The following NPFFR2 variants were observed in gnomAD, a reference collection of about 807,000 sequenced individuals.
NPFFR2 encodes neuropeptide FF receptor 2.
NPFFR2 carries 15 observed loss-of-function variants against 13.1 expected under a neutral mutation model. The ratio of observed to expected loss-of-function variants is 1.15; its 90% CI spans 0.77 to 1.76. The LOEUF is 1.76. Ranked by LOEUF, NPFFR2 falls within the 40% of genes most tolerant of loss-of-function variation. The pLI is 0.00. For missense variants in NPFFR2, 572 were observed against 503.5 expected, an observed-to-expected ratio of 1.14 and a Z score of -1.30; for synonymous variants, 190 against 175.7, an observed-to-expected ratio of 1.08 and a Z score of -0.65.
Position 72,147,285 on chromosome 4 carries a change from C to T in NPFFR2, c.736C>T (p.Leu246Phe). 6.2e-7 allele frequency: 1 copy of T among 1,614,160 alleles called. No homozygotes were observed. Among genetic ancestry groups the T allele is most frequent in the Non-Finnish European group, 8.5e-7 (1 of 1,180,030 alleles). Residue 246 changes from leucine (L) to phenylalanine (F), a missense_variant, in exon 4 of 4, where the codon CTC (leucine) becomes TTC (phenylalanine). Leu to Phe is a conservative substitution (Grantham distance 22). Transcript: ENST00000308744. ...VIMYGRIGISLFRAAVPHTGR... is the reference protein window; with the variant it reads ...VIMYGRIGISFFRAAVPHTGR... ...CATGTATGGAAGGATTGGAATTTCACTCTTCAGGGCTGCAGTTCCTCACAC... is the reference window on the plus strand; with the variant it reads ...CATGTATGGAAGGATTGGAATTTCATTCTTCAGGGCTGCAGTTCCTCACAC...
intron 1 of NPFFR2, among the ~76,000 whole-genome samples, chr4:72,037,379 C>T (rs909362615): frequency 2.1e-5 from 3 of 144,068 alleles, no homozygotes; most frequent in East Asian, 2.1e-4. Context: ...ACTCCAGCTT[C>T]GGCAACAGAG....
chr4:72,043,791 G>C (rs1397242346), intron 1 of NPFFR2, among the ~76,000 whole-genome samples: 1 of 152,122 alleles, frequency 6.6e-6, no homozygotes, highest in African/African-American at 2.4e-5. Flanking sequence ...CTTTGGACTT[G>C]GACTTTTGAG....
intron 1 of NPFFR2, among the ~76,000 whole-genome samples, chr4:72,087,077 C>G (rs1720793422): frequency 6.6e-6 from 1 of 151,982 alleles, no homozygotes; most frequent in Non-Finnish European, 1.5e-5. Context: ...ACCAGAAATA[C>G]CAACTTGGGT....
At chr4:72,078,663 A>G (rs1262077219) in intron 1 of NPFFR2, among the ~76,000 whole-genome samples, 1 of 152,140 alleles carries the variant, frequency 6.6e-6, no homozygotes, top group African/African-American at 2.4e-5. Flanking sequence ...AATGCTTACT[A>G]TATGGCTACA....
At chr4:72,074,719 A>G (rs1720375304) in intron 1 of NPFFR2, among the ~76,000 whole-genome samples, 1 of 152,126 alleles carries the variant, frequency 6.6e-6, no homozygotes, top group African/African-American at 2.4e-5. Flanking sequence ...CTTCCCATCA[A>G]AAGACAGAGA....
At chr4:72,078,900 A>T (rs1396256969) in intron 1 of NPFFR2, among the ~76,000 whole-genome samples, 1 of 152,142 alleles carries the variant, frequency 6.6e-6, no homozygotes, top group East Asian at 1.9e-4. Context: ...AGGATGAAGA[A>T]TAGATTAGTG....
intron 1 of NPFFR2, among the ~76,000 whole-genome samples, chr4:72,100,520 ACT>A (rs1467188315): frequency 1.3e-5 from 2 of 152,022 alleles, no homozygotes; most frequent in Admixed American, 6.6e-5. Flanking sequence ...CAAATTTCTG[ACT>A]CTCTGATAAT....
chr4:72,089,646 G>A (rs76531405), intron 1 of NPFFR2, among the ~76,000 whole-genome samples: 48,389 of 151,846 alleles, frequency 0.32, 8,098 homozygotes, highest in East Asian at 0.49. Flanking sequence ...GTCTATTCAT[G>A]TCCTTAGCCC....
At chr4:72,074,477 T>C (rs1314877639) in intron 1 of NPFFR2, among the ~76,000 whole-genome samples, 1 of 152,080 alleles carries the variant, frequency 6.6e-6, no homozygotes, top group Non-Finnish European at 1.5e-5. Context: ...TTTTTGTTAA[T>C]CTCTTTCTGT....
At position 72,085,443 on chromosome 4, in the gene NPFFR2, C is replaced by T. The variant is rs1031648220; in HGVS notation, c.-7-43142C>T. On this transcript the variant is annotated intron_variant, in intron 1 of 3. Coordinates refer to ENST00000308744, the MANE Select transcript of NPFFR2 (RefSeq NM_004885.3). ...CAGCCACAAGCTTTTTTTTCCCCAG[C>T]ATATATTTTATGTTTTTTCTCTTTC... Among the ~76,000 whole-genome samples, 8 of 152,056 alleles carry T rather than the reference C, an allele frequency of 5.3e-5. No individual in the cohort carries two copies. The South Asian group carries it at 1.7e-3, about 31-fold the overall frequency.
chr4:72,071,117 A>G (rs1720241383), intron 1 of NPFFR2, among the ~76,000 whole-genome samples: 3 of 152,314 alleles, frequency 2.0e-5, no homozygotes, highest in African/African-American at 4.8e-5. Context: ...TTCAGAAAGT[A>G]TGATTCAATA....
At chr4:72,039,620 C>T (rs1184158544) in intron 1 of NPFFR2, among the ~76,000 whole-genome samples, 2 of 151,944 alleles carry the variant, frequency 1.3e-5, no homozygotes, top group African/African-American at 2.4e-5. Context: ...TATAATATAC[C>T]GTGATATGGA....
chr4:72,135,437 T>G (rs1230912269), intron 2 of NPFFR2, among the ~76,000 whole-genome samples: 2 of 152,054 alleles, frequency 1.3e-5, no homozygotes, highest in Non-Finnish European at 2.9e-5. Context: ...TACTTTAATT[T>G]TTTGCCCCTC....
chr4:72,091,057 T>TAAA (rs1720906168), intron 1 of NPFFR2, among the ~76,000 whole-genome samples: 1 of 152,182 alleles, frequency 6.6e-6, no homozygotes, highest in Non-Finnish European at 1.5e-5. Flanking sequence ...ATGCTGGATT[T>TAAA]TGTCAAATGT....
At position 72,050,213 on chromosome 4, in the gene NPFFR2, C is replaced by G. The variant is rs115218203; in HGVS notation, c.-8+18013C>G. ...AGGGCTGTAAGTCTCAATCTCCAAA[C>G]TATACAAACCAAGAACAAATAATTT... On this transcript the variant is annotated intron_variant, in intron 1 of 3. Coordinates refer to ENST00000308744, the MANE Select transcript of NPFFR2 (RefSeq NM_004885.3). Among the ~76,000 whole-genome samples, 885 of 152,114 alleles carry G rather than the reference C, an allele frequency of 5.8e-3. 5 individuals are homozygous for G. The highest frequency in any genetic ancestry group is 0.02 in the African/African-American group (851 of 41,514).
At chr4:72,096,796 G>A (rs1352349743) in intron 1 of NPFFR2, among the ~76,000 whole-genome samples, 3 of 151,860 alleles carry the variant, frequency 2.0e-5, no homozygotes, top group Admixed American at 6.6e-5. Flanking sequence ...ATGGAGTTAC[G>A]TCACAATGAA....
chr4:72,145,384 A>G (rs1283794206), intron 3 of NPFFR2, among the ~76,000 whole-genome samples: 1 of 151,170 alleles, frequency 6.6e-6, no homozygotes, highest in Non-Finnish European at 1.5e-5. Context: ...TTTTATTGTT[A>G]ATAGTGTCTG....
At chr4:72,122,574 A>T (rs1368122133) in intron 1 of NPFFR2, among the ~76,000 whole-genome samples, 1 of 152,240 alleles carries the variant, frequency 6.6e-6, no homozygotes. Flanking sequence ...AGTGCAGTCA[A>T]ATTAGAACTC....
At chr4:72,141,238 G>T (rs1464998387) in intron 3 of NPFFR2, among the ~76,000 whole-genome samples, 6 of 151,406 alleles carry the variant, frequency 4.0e-5, no homozygotes, top group African/African-American at 7.3e-5. Context: ...TTTTTTAAGG[G>T]TTTTTTGTGT....
Sources: gnomAD v4.1 joint callset for allele counts (sites outside exome capture counted in the v4.1 genomes callset) on GRCh38, gnomAD v4.1.1 for gene constraint, MANE v1.5 for transcripts, NCBI Gene and HGNC (gene_info 2026-07-23, HGNC 2026-07-21) for gene names.